The following BRD8 variants were observed in gnomAD, a reference collection of about 807,000 sequenced individuals.
BRD8 encodes bromodomain containing 8.
A neutral mutation model predicts 143.1 loss-of-function variants in BRD8; 67 were observed. That is an observed-to-expected ratio of 0.47 (90% CI 0.38 to 0.57). The LOEUF is 0.57. Among genes scored for constraint, BRD8 ranks in the 20% least tolerant of loss-of-function variants. The probability of loss-of-function intolerance (pLI) is 0.00; values close to 1 mark genes in which losing one functional copy is unlikely to be tolerated. For synonymous variants in BRD8, 505 were observed against 517.1 expected (o/e 0.98, Z 0.32); for missense variants, 1,103 against 1,503.0 (o/e 0.73, Z 4.40).
chr5:138,141,900 T>C (rs1036800248), intron 25 of BRD8, among the ~76,000 whole-genome samples: 9 of 152,224 alleles, frequency 5.9e-5, no homozygotes, highest in Admixed American at 2.0e-4. Flanking sequence ...GAGCAAGTCA[T>C]GACCAAGCAC....
chr5:138,163,592 A>G (rs1277408650), intron 14 of BRD8: 1 of 1,450,824 alleles, frequency 6.9e-7, no homozygotes, highest in South Asian at 1.2e-5. Flanking sequence ...CTTACTTAAG[A>G]CTAAGCTAAG....
Position 138,150,804 on chromosome 5 carries a change from CCTCTGG to C in BRD8, c.3055_3060del (p.Pro1019_Glu1020del), listed in dbSNP as rs750528847. 6.2e-7 allele frequency: 1 copy of C among 1,614,086 alleles called. No homozygotes were observed. Among genetic ancestry groups the C allele is most frequent in the African/African-American group, 1.3e-5 (1 of 74,942 alleles). On this transcript the variant is annotated inframe_deletion, in exon 22 of 27. Transcript: ENST00000254900. ...CAAATAACTGAGGGAGCTGAAGCCA[CCTCTGG>C]CTTTCCATTTTCTCCCAGTGGCTTT...
chr5:138,175,131 A>G (rs1754213881), intron 2 of BRD8, among the ~76,000 whole-genome samples: 2 of 151,960 alleles, frequency 1.3e-5, no homozygotes, highest in Admixed American at 1.3e-4. Flanking sequence ...TGATCCGCCC[A>G]CCTCGGCCTC....
chr5:138,163,645 T>C (rs1753179211), intron 14 of BRD8: 1 of 1,399,088 alleles, frequency 7.1e-7, no homozygotes, highest in South Asian at 1.2e-5. Context: ...ACTCTGACCC[T>C]GGGTACAAAG....
chr5:138,148,155 G>A lies in BRD8; in HGVS notation c.3278+1485C>T, dbSNP rs1752229601. Among the ~76,000 whole-genome samples the A allele has an allele frequency of 2.5e-5, 3 of 117,684 alleles. No homozygotes were observed. In the East Asian group the frequency reaches 6.8e-4, roughly 27 times the overall value. The allele number at this position is 117,684 out of a possible 152,430, so 77.2% of individuals were successfully genotyped here. On this transcript the variant is annotated intron_variant, in intron 23 of 26. Transcript: ENST00000254900. ...AAAATACACTAACAATAGCTGATGA[G>A]CTGGAAAAAAAAAAAAAAAAAGAAA...
At chr5:138,161,229 G>A in intron 17 of BRD8, 161 bp from the exon 18 acceptor site, 2 of 544,642 alleles carry the variant, frequency 3.7e-6, no homozygotes. Context: ...CTTAACCCAA[G>A]AAACAATCTA....
Position 138,164,396 on chromosome 5 carries a change from C to T in BRD8, c.1749G>A (p.Met583Ile), listed in dbSNP as rs1233732729. The T allele has an allele frequency of 6.2e-7, 1 of 1,614,126 alleles. No homozygotes were observed. Among genetic ancestry groups the T allele is most frequent in the Admixed American group, 1.7e-5 (1 of 60,016 alleles). The change falls in exon 13 of 27, where the codon ATG becomes ATA. Residue 583 changes from methionine (M) to isoleucine (I), a missense_variant. By Grantham distance (10) the Met-to-Ile change is conservative. Around this residue, in one of 7 missense-constraint regions of BRD8, gnomAD observed 139 missense variants for 139.0 expected, o/e 1.00. Transcript: ENST00000254900. ...GATTTGAGCCATGTGATGGAGACAACATGCTTTCAGGGGATGCCTGAAAAC... is the reference window on the plus strand; with the variant it reads ...GATTTGAGCCATGTGATGGAGACAATATGCTTTCAGGGGATGCCTGAAAAC... ...NVKTEASPES[M>I]LSPSHGSNPI...
At chr5:138,152,260 G>A (rs986345263) in intron 21 of BRD8, among the ~76,000 whole-genome samples, 1 of 152,254 alleles carries the variant, frequency 6.6e-6, no homozygotes, top group Non-Finnish European at 1.5e-5. Flanking sequence ...AAAGTGCTGG[G>A]ATTACAGGCG....
At chr5:138,161,635 T>G (rs997099101) in intron 17 of BRD8, among the ~76,000 whole-genome samples, 161 bp downstream of exon 17, 7 of 152,220 alleles carry the variant, frequency 4.6e-5, no homozygotes, top group African/African-American at 1.7e-4. Flanking sequence ...AGACTATCAG[T>G]GGTGATCTAG....
At chr5:138,152,888 G>C in intron 20 of BRD8, 128 bp from the exon 21 acceptor site, 1 of 1,002,134 alleles carries the variant, frequency 1.0e-6, no homozygotes, top group African/African-American at 1.6e-5. Flanking sequence ...TTCATCATTA[G>C]GAAGAATTAA....
At chr5:138,169,498 T>G in intron 7 of BRD8, 140 bp from the exon 8 acceptor site, 1 of 963,316 alleles carries the variant, frequency 1.0e-6, no homozygotes, top group Non-Finnish European at 1.5e-6. Flanking sequence ...TTAGAAAGCT[T>G]TAACACTTCT....
Position 138,139,933 on chromosome 5 carries a change from T to C in BRD8, c.*141A>G. The C allele has an allele frequency of 1.6e-6, 1 of 643,574 alleles. No individual in the cohort carries two copies. The allele number at this position is 643,574 out of a possible 1,614,324, so 39.9% of individuals were successfully genotyped here. A position where few individuals can be genotyped will look rare whatever the true frequency, so the allele number is the denominator to read the frequency against. ...TTTATATTATGTCCACATGCATCTT[T>C]GACTCGTTGGTTGTGAGTTAAGGTA... On this transcript the variant is annotated 3_prime_UTR_variant, in exon 27 of 27. Coordinates refer to ENST00000254900, the MANE Select transcript of BRD8 (RefSeq NM_139199.2).
chr5:138,171,252 T>C, intron 4 of BRD8, 92 bp from the exon 5 acceptor site: 1 of 1,421,192 alleles, frequency 7.0e-7, no homozygotes, highest in Non-Finnish European at 9.8e-7. Flanking sequence ...CATAGATAAC[T>C]TCTGCTATTT....
intron 10 of BRD8, 44 bp downstream of exon 10, chr5:138,166,474 G>A (rs1334612309): frequency 1.5e-6 from 2 of 1,362,988 alleles, no homozygotes; most frequent in Non-Finnish European, 1.0e-6. Flanking sequence ...TCTAACTAAA[G>A]CTCAAAATGA....
chr5:138,178,487 G>T (rs932744172), intron 1 of BRD8, 109 bp downstream of exon 1: 95 of 1,032,234 alleles, frequency 9.2e-5, no homozygotes, highest in Non-Finnish European at 1.4e-4. Flanking sequence ...TGAAAACCCT[G>T]GGCTCTCAAG....
At chr5:138,155,753 C>T (rs2151189446) in intron 20 of BRD8, among the ~76,000 whole-genome samples, 1 of 152,172 alleles carries the variant, frequency 6.6e-6, no homozygotes, top group South Asian at 2.1e-4. Context: ...TCTTGATCTC[C>T]TGGGCTCAAG....
rs114070855 is a variant in BRD8 at position 138,148,759 on chromosome 5, T to C, written c.3278+881A>G. ...TTCAAGTTCATAAAATCTATTTTAA[T>C]ATTTTTAAAAGAGGTATAGTTTGGG... On this transcript the variant is annotated intron_variant, in intron 23 of 26. Transcript: ENST00000254900. Among the ~76,000 whole-genome samples the C allele has an allele frequency of 5.7e-3, 861 of 152,200 alleles. 5 individuals are homozygous for C. Among genetic ancestry groups the C allele is most frequent in the African/African-American group, 0.02 (820 of 41,522 alleles).
chr5:138,163,404 T>G, intron 14 of BRD8, 60 bp from the exon 15 acceptor site: 1 of 1,572,468 alleles, frequency 6.4e-7, no homozygotes, highest in African/African-American at 1.3e-5. Flanking sequence ...AAAGCATCAT[T>G]AAACATGATC....
rs1207215322 is a variant in BRD8 at position 138,149,637 on chromosome 5, T to A, written c.3278+3A>T. The A allele has an allele frequency of 6.3e-7, 1 of 1,592,378 alleles. No homozygotes were observed. The highest frequency in any genetic ancestry group is 8.5e-7 in the Non-Finnish European group (1 of 1,171,766). On this transcript the variant is annotated splice_donor_region_variant and intron_variant, in intron 23 of 26. Coordinates refer to ENST00000254900, the MANE Select transcript of BRD8 (RefSeq NM_139199.2). ...ACAAACTTGGATGAAAGTCTACGCTTACAGCTTTGAGGAGGTAGCATGGCT... is the reference window on the plus strand; with the variant it reads ...ACAAACTTGGATGAAAGTCTACGCTAACAGCTTTGAGGAGGTAGCATGGCT...
Sources: gnomAD v4.1 joint callset for allele counts (sites outside exome capture counted in the v4.1 genomes callset) on GRCh38, gnomAD v4.1.1 for gene constraint, gnomAD v4.1.1 regional missense constraint, MANE v1.5 for transcripts, NCBI Gene and HGNC (gene_info 2026-07-23, HGNC 2026-07-21) for gene names.